Variants in WASHC4 observed in about 807,000 individuals in gnomAD.
WASHC4 encodes WASH complex subunit 4, also known as WASH complex subunit 7.
WASHC4 carries 86 observed loss-of-function variants against 166.6 expected under a neutral mutation model. The ratio of observed to expected loss-of-function variants is 0.52; its 90% CI spans 0.43 to 0.62. WASHC4 has a LOEUF of 0.62. Among genes scored for constraint, WASHC4 ranks in the 20% least tolerant of loss-of-function variants. WASHC4 has a pLI of 0.00. For missense variants in WASHC4, 1,262 were observed against 1,382.4 expected (o/e 0.91, Z 1.38); for synonymous variants, 446 against 451.6 (o/e 0.99, Z 0.16).
chr12:105,114,573 A>G lies in WASHC4; in HGVS notation c.321+146A>G, dbSNP rs1880002117. The stretch of plus-strand genomic sequence containing the variant: ...GTAATACTAATACGGACTACCATTC[A>G]TTGAGTACTTAGTATGTACAAAACA... On this transcript the variant is annotated intron_variant, in intron 4 of 32. Transcript: ENST00000332180. 6.1e-6 allele frequency: 4 copies of G among 660,146 alleles called. No homozygotes were observed. The South Asian group carries it at 7.2e-5, about 12-fold the overall frequency. The allele number at this position is 660,146 out of a possible 1,614,324, so 40.9% of individuals were successfully genotyped here.
chr12:105,167,880 C>T lies in WASHC4; in HGVS notation c.*949C>T, dbSNP rs757363294. 2.6e-5 allele frequency: 4 copies of T among 152,206 alleles called. No homozygotes were observed. Among genetic ancestry groups the T allele is most frequent in the African/African-American group, 4.8e-5 (2 of 41,324 alleles). 9.4% of individuals were successfully genotyped at this position (152,206 alleles called of 1,614,324 possible). ...AAAAAATACCACTGTGAGAATAAAG[C>T]GCTAGCAAGATACATCACTTACTGA... On this transcript the variant is annotated 3_prime_UTR_variant, in exon 33 of 33. Transcript: ENST00000332180.
At chr12:105,119,418 T>A (rs557665088) in intron 7 of WASHC4, among the ~76,000 whole-genome samples, 83 of 152,356 alleles carry the variant, frequency 5.4e-4, no homozygotes, top group African/African-American at 2.0e-3. Flanking sequence ...AAGAGATAAC[T>A]GATACCTGGA....
At chr12:105,147,226 C>G in intron 24 of WASHC4, 80 bp downstream of exon 24, 2 of 837,172 alleles carry the variant, frequency 2.4e-6, no homozygotes, top group Non-Finnish European at 4.2e-6. Flanking sequence ...TAGAATATTG[C>G]GGTAAACATA....
At chr12:105,120,502 T>G in intron 7 of WASHC4, 53 bp from the exon 8 acceptor site, 1 of 1,052,630 alleles carries the variant, frequency 9.5e-7, no homozygotes, top group Non-Finnish European at 1.5e-6. Flanking sequence ...GAAATAAGAA[T>G]AAACTATGAC....
Position 105,162,813 on chromosome 12 carries a change from G to A in WASHC4, c.3125G>A (p.Gly1042Glu), listed in dbSNP as rs758127134. 6 of 1,602,252 alleles carry A rather than the reference G, an allele frequency of 3.7e-6. No individual in the cohort carries two copies. The South Asian group carries it at 6.6e-5, about 18-fold the overall frequency. ...KEKLNKKNKI[G>E]AAFTDDGFAM... is the part of the protein sequence containing the mutation. ...AAATTAAATAAAAAAAATAAAATTGGAGCTGCCTTTACTGATGATGGCTTT... is the reference window on the plus strand; with the variant it reads ...AAATTAAATAAAAAAAATAAAATTGAAGCTGCCTTTACTGATGATGGCTTT... The change falls in exon 30 of 33, where the codon GGA becomes GAA. Residue 1042 changes from glycine (G) to glutamate (E), a missense_variant. Gly to Glu is a moderately conservative substitution (Grantham distance 98). Transcript: ENST00000332180.
At chr12:105,114,104 G>C (rs1369035766) in intron 2 of WASHC4, 112 bp from the exon 3 acceptor site, 2 of 884,258 alleles carry the variant, frequency 2.3e-6, no homozygotes, top group East Asian at 5.3e-5. Flanking sequence ...CTAATGTTGA[G>C]TACAGGATCT....
At chr12:105,154,895 TA>T (rs1196771876) in intron 26 of WASHC4, among the ~76,000 whole-genome samples, 1 of 152,226 alleles carries the variant, frequency 6.6e-6, no homozygotes, top group Admixed American at 6.5e-5. Flanking sequence ...AGATGCACAT[TA>T]AAAAAATTTC....
Position 105,150,876 on chromosome 12 carries a change from T to TATAA in WASHC4, c.2649+1128_2649+1129insTAAA, listed in dbSNP as rs59142363. Among the ~76,000 whole-genome samples the TATAA allele has an allele frequency of 7.2e-5, 11 of 151,974 alleles. No individual in the cohort carries two copies. In the East Asian group the frequency reaches 2.1e-3, roughly 29 times the overall value. The stretch of plus-strand genomic sequence containing the variant: ...AGTGCCCAGCGAAGCGGGAAGCCCT[T>TATAA]ACAACCATCAGATCTTGTGAGAACT... On this transcript the variant is annotated intron_variant, in intron 25 of 32. Transcript: ENST00000332180.
Position 105,167,207 on chromosome 12 carries a change from C to T in WASHC4, c.*276C>T, listed in dbSNP as rs886457010. 4.9e-6 allele frequency: 2 copies of T among 406,026 alleles called. No individual in the cohort carries two copies. The highest frequency in any genetic ancestry group is 8.0e-5 in the Admixed American group (2 of 24,952). The allele number at this position is 406,026 out of a possible 1,614,324, so 25.2% of individuals were successfully genotyped here. A position where few individuals can be genotyped will look rare whatever the true frequency, so the allele number is the denominator to read the frequency against. Reference sequence around the variant, plus strand: ...AAGTGAAGTTATAAAAGGGCAAATCCAGATTCATAAACTATCACCTCGGAT... The same window carrying T: ...AAGTGAAGTTATAAAAGGGCAAATCTAGATTCATAAACTATCACCTCGGAT... On this transcript the variant is annotated 3_prime_UTR_variant, in exon 33 of 33. Coordinates refer to ENST00000332180, the MANE Select transcript of WASHC4 (RefSeq NM_015275.3).
chr12:105,157,159 C>A, intron 27 of WASHC4, 77 bp from the exon 28 acceptor site: 2 of 769,410 alleles, frequency 2.6e-6, no homozygotes, highest in Admixed American at 1.9e-5. Flanking sequence ...TAGAGTCCTG[C>A]AGTACCACTT....
Position 105,142,522 on chromosome 12 carries a change from T to A in WASHC4, c.1857T>A (p.Asp619Glu). 1 of 1,606,188 alleles carries A rather than the reference T, an allele frequency of 6.2e-7. No homozygotes were observed. Among genetic ancestry groups the A allele is most frequent in the Non-Finnish European group, 8.5e-7 (1 of 1,173,838 alleles). The change falls in exon 19 of 33, where the codon GAT (aspartate) becomes GAA (glutamate). Residue 619 changes from aspartate (D) to glutamate (E), a missense_variant. Asp to Glu is a conservative substitution (Grantham distance 45, BLOSUM62 2). Transcript: ENST00000332180. ...CTGTCTTCCCAATTTATTTAGATGA[T>A]GTATATGAAAATGCTGTTGATGCAG... ...HRAVFPIYLD[D>E]VYENAVDAAR...
chr12:105,137,420 T>C (rs528301669), intron 14 of WASHC4, among the ~76,000 whole-genome samples: 2 of 152,304 alleles, frequency 1.3e-5, no homozygotes, highest in Non-Finnish European at 2.9e-5. Context: ...TTTCTTTGCC[T>C]ATCTGTATTG....
intron 12 of WASHC4, among the ~76,000 whole-genome samples, chr12:105,126,883 A>C (rs2135753310): frequency 6.6e-6 from 1 of 152,202 alleles, no homozygotes; most frequent in South Asian, 2.1e-4. Context: ...AGTCCATGAA[A>C]GGGTGTTTTG....
At position 105,137,916 on chromosome 12, in the gene WASHC4, A is replaced by G. The variant is rs1882458640; in HGVS notation, c.1357A>G (p.Ile453Val). The G allele has an allele frequency of 1.4e-5, 22 of 1,610,052 alleles. No homozygotes were observed. The highest frequency in any genetic ancestry group is 1.9e-5 in the Non-Finnish European group (22 of 1,176,660). Reference sequence around the variant, plus strand: ...CTTGTATGCATATAGTATTAGTACCATTATTAAAACCACAATGAATCTCTA... The same window carrying G: ...CTTGTATGCATATAGTATTAGTACCGTTATTAAAACCACAATGAATCTCTA... ...GFLYAYSIST[I>V]IKTTMNLYMS... Residue 453 changes from isoleucine to valine, a missense_variant, in exon 15 of 33, where the codon ATT becomes GTT. Coordinates refer to ENST00000332180, the MANE Select transcript of WASHC4 (RefSeq NM_015275.3).
At chr12:105,124,278 C>T (rs528338405) in intron 10 of WASHC4, among the ~76,000 whole-genome samples, 1 of 151,634 alleles carries the variant, frequency 6.6e-6, no homozygotes, top group East Asian at 2.0e-4. Context: ...TACTACCATG[C>T]CCAGCTAATT....
intron 13 of WASHC4, among the ~76,000 whole-genome samples, chr12:105,128,079 T>C (rs1158229211): frequency 6.6e-6 from 1 of 152,182 alleles, no homozygotes; most frequent in Non-Finnish European, 1.5e-5. Context: ...GATTTTTGTT[T>C]GTGATATGGC....
rs1884912242 is a variant in WASHC4 at position 105,168,299 on chromosome 12, T to A, written c.*1368T>A. 6.5e-6 allele frequency: 1 copy of A among 152,678 alleles called. No individual in the cohort carries two copies. The highest frequency in any genetic ancestry group is 1.9e-4 in the East Asian group (1 of 5,192). 9.5% of individuals were successfully genotyped at this position (152,678 alleles called of 1,614,324 possible). Reference sequence around the variant, plus strand: ...AGAGACAGAATATGTAGGAAATGTTTTTTGTTTATTATGTAAACATGGCTT... The same window carrying A: ...AGAGACAGAATATGTAGGAAATGTTATTTGTTTATTATGTAAACATGGCTT... On this transcript the variant is annotated 3_prime_UTR_variant, in exon 33 of 33. Coordinates refer to ENST00000332180, the MANE Select transcript of WASHC4 (RefSeq NM_015275.3).
Position 105,126,126 on chromosome 12 carries a change from TG to T in WASHC4, c.910+1del, listed in dbSNP as rs1456108425. ...SIFANVEAKL[G>X]EPSEIDQRDK... Reference sequence around the variant, plus strand: ...TTTTTGCAAATGTAGAAGCCAAACTTGGTAATGTAAATCGCATTTTTTGGTT... The same window carrying T: ...TTTTTGCAAATGTAGAAGCCAAACTTGTAATGTAAATCGCATTTTTTGGTT... On this transcript the variant is annotated frameshift_variant and splice_region_variant, in exon 11 of 33. Transcript: ENST00000332180. LOFTEE classifies it high-confidence loss of function. 6.2e-7 allele frequency: 1 copy of T among 1,612,998 alleles called. No individual in the cohort carries two copies. Among genetic ancestry groups the T allele is most frequent in the Non-Finnish European group, 8.5e-7 (1 of 1,179,316 alleles).
At chr12:105,154,950 T>C (rs1239887271) in intron 26 of WASHC4, among the ~76,000 whole-genome samples, 1 of 152,228 alleles carries the variant, frequency 6.6e-6, no homozygotes, top group Non-Finnish European at 1.5e-5. Context: ...ATAGATTCAA[T>C]GTTAACTGCT....
Sources: allele counts gnomAD v4.1 joint callset (sites outside exome capture counted in the v4.1 genomes callset), GRCh38; gene constraint gnomAD v4.1.1; transcripts MANE v1.5; gene names NCBI Gene and HGNC (gene_info 2026-07-23, HGNC 2026-07-21).